LRP1B: variants seen among roughly 807,000 people sequenced by gnomAD.
LRP1B encodes the protein low-density lipoprotein receptor-related protein 1B.
A neutral mutation model predicts 556.6 loss-of-function variants in LRP1B; 217 were observed. The observed-to-expected ratio is 0.39, with a 90% confidence interval of 0.35 to 0.44. LRP1B has a LOEUF of 0.44. Among genes scored for constraint, LRP1B ranks in the 20% least tolerant of loss-of-function variants. The probability of loss-of-function intolerance (pLI) is 1.00; values close to 1 mark genes in which losing one functional copy is unlikely to be tolerated. For synonymous variants in LRP1B, 2,047 were observed against 1,865.8 expected (o/e 1.10, Z -2.50); for missense variants, 5,053 against 5,620.8 (o/e 0.90, Z 3.23).
At chr2:140,925,856 C>T (rs1694868459) in intron 20 of LRP1B, among the ~76,000 whole-genome samples, 1 of 152,070 alleles carries the variant, frequency 6.6e-6, no homozygotes, top group Non-Finnish European at 1.5e-5. Flanking sequence ...ACATTAGCAC[C>T]TTCCTTTTAT....
chr2:141,286,722 T>C (rs1188647238), intron 3 of LRP1B: 2 of 447,374 alleles, frequency 4.5e-6, no homozygotes, highest in South Asian at 3.2e-5. Flanking sequence ...TAAATCATAT[T>C]ATTCAATGAA....
At chr2:141,197,955 A>C (rs534490785) in intron 6 of LRP1B, among the ~76,000 whole-genome samples, 1 of 152,178 alleles carries the variant, frequency 6.6e-6, no homozygotes, top group Non-Finnish European at 1.5e-5. Flanking sequence ...GTATATTATG[A>C]ATATTTTAAC....
chr2:141,173,140 G>A (rs1680581317), intron 7 of LRP1B, among the ~76,000 whole-genome samples: 1 of 150,890 alleles, frequency 6.6e-6, no homozygotes, highest in Non-Finnish European at 1.5e-5. Context: ...TGATACTGAT[G>A]TAGTTGTCAC....
At chr2:142,018,246 T>C (rs374180587) in intron 1 of LRP1B, among the ~76,000 whole-genome samples, 1 of 152,216 alleles carries the variant, frequency 6.6e-6, no homozygotes. Flanking sequence ...GCAGTTGATA[T>C]TTAAATCATG....
intron 3 of LRP1B, among the ~76,000 whole-genome samples, chr2:141,417,581 A>C (rs886586249): frequency 1.3e-5 from 2 of 152,164 alleles, no homozygotes; most frequent in African/African-American, 4.8e-5. Flanking sequence ...TTAATATTGC[A>C]TCATATGTAT....
chr2:140,917,671 T>A (rs1694618241), intron 21 of LRP1B, among the ~76,000 whole-genome samples: 2 of 152,204 alleles, frequency 1.3e-5, no homozygotes, highest in Non-Finnish European at 2.9e-5. Flanking sequence ...GATCAGTAGC[T>A]TCCAGGAGCT....
chr2:140,429,640 C>G (rs1407307232), intron 66 of LRP1B, among the ~76,000 whole-genome samples: 1 of 152,166 alleles, frequency 6.6e-6, no homozygotes, highest in African/African-American at 2.4e-5. Flanking sequence ...AAACCTCAAT[C>G]CCTTACAAAA....
intron 3 of LRP1B, among the ~76,000 whole-genome samples, chr2:141,287,141 A>T (rs300345): frequency 6.6e-6 from 1 of 152,138 alleles, no homozygotes; most frequent in African/African-American, 2.4e-5. Context: ...TTTCAAAAAA[A>T]CAAATGTTGG....
At position 140,794,343 on chromosome 2, in the gene LRP1B, A is replaced by G. The variant is rs556366641; in HGVS notation, c.5360-18105T>C. 1.4e-4 allele frequency among the ~76,000 whole-genome samples: 22 copies of G among 152,288 alleles called. No individual in the cohort carries two copies. In the South Asian group the frequency reaches 4.6e-3, roughly 32 times the overall value. ...AGTGAAATACACCAAGTATTCTTCA[A>G]CTTTCACTAGATCTCTCATAAACGG... On this transcript the variant is annotated intron_variant, in intron 32 of 90. Coordinates refer to ENST00000389484, the MANE Select transcript of LRP1B (RefSeq NM_018557.3).
At chr2:140,236,935 TTA>T (rs1680732484) in intron 89 of LRP1B, among the ~76,000 whole-genome samples, 1 of 150,344 alleles carries the variant, frequency 6.7e-6, no homozygotes, top group South Asian at 2.1e-4. Flanking sequence ...CTGTGTTTTG[TTA>T]TGTTTTTATA....
chr2:141,627,585 T>C (rs1688747666), intron 2 of LRP1B, among the ~76,000 whole-genome samples: 1 of 152,162 alleles, frequency 6.6e-6, no homozygotes, highest in African/African-American at 2.4e-5. Flanking sequence ...GAACTGCATA[T>C]GCTAAGGATC....
chr2:141,901,300 G>A (rs749888290), intron 1 of LRP1B, among the ~76,000 whole-genome samples: 4 of 152,048 alleles, frequency 2.6e-5, no homozygotes, highest in African/African-American at 4.8e-5. Flanking sequence ...GAAACTAACC[G>A]TTTGAAAACA....
chr2:140,869,298 G>T (rs1693051354), intron 25 of LRP1B, among the ~76,000 whole-genome samples: 1 of 152,122 alleles, frequency 6.6e-6, no homozygotes, highest in Non-Finnish European at 1.5e-5. Context: ...TGGGACAAGA[G>T]CCTGGAGTTC....
At chr2:141,250,309 A>C (rs1482850365) in intron 4 of LRP1B, among the ~76,000 whole-genome samples, 1 of 152,130 alleles carries the variant, frequency 6.6e-6, no homozygotes, top group African/African-American at 2.4e-5. Flanking sequence ...GAAAATACCA[A>C]ACAGTGGATT....
intron 66 of LRP1B, among the ~76,000 whole-genome samples, chr2:140,434,953 GA>G (rs1430672166): frequency 2.6e-5 from 4 of 152,046 alleles, no homozygotes; most frequent in African/African-American, 9.7e-5. Context: ...TATATATGAT[GA>G]ATTACTGGGT....
At chr2:140,918,116 A>G (rs1694631724) in intron 21 of LRP1B, among the ~76,000 whole-genome samples, 1 of 152,094 alleles carries the variant, frequency 6.6e-6, no homozygotes, top group Non-Finnish European at 1.5e-5. Context: ...TAGTTAATCC[A>G]GATTATTTTG....
At chr2:141,150,135 G>C (rs1457714502) in intron 7 of LRP1B, among the ~76,000 whole-genome samples, 1 of 152,170 alleles carries the variant, frequency 6.6e-6, no homozygotes, top group African/African-American at 2.4e-5. Flanking sequence ...TCAGGCAGGA[G>C]CTTAAGGATC....
intron 12 of LRP1B, among the ~76,000 whole-genome samples, chr2:141,019,448 A>G (rs1016087664): frequency 2.6e-5 from 4 of 152,108 alleles, no homozygotes; most frequent in African/African-American, 9.6e-5. Flanking sequence ...TAAAGCAGGG[A>G]TAAGAATAGC....
At chr2:142,064,178 T>C (rs564087531) in intron 1 of LRP1B, among the ~76,000 whole-genome samples, 4 of 151,710 alleles carry the variant, frequency 2.6e-5, no homozygotes, top group African/African-American at 9.6e-5. Context: ...TATTTTGAAT[T>C]ATTTTTTACA....
Sources: allele counts gnomAD v4.1 joint callset (sites outside exome capture counted in the v4.1 genomes callset), GRCh38; gene constraint gnomAD v4.1.1; transcripts MANE v1.5; gene names NCBI Gene and HGNC (gene_info 2026-07-23, HGNC 2026-07-21).